Variants in PTPRT observed in about 807,000 individuals in gnomAD.
PTPRT encodes receptor-type tyrosine-protein phosphatase T.
PTPRT carries 56 observed loss-of-function variants against 176.8 expected under a neutral mutation model. The ratio of observed to expected loss-of-function variants is 0.32; its 90% CI spans 0.26 to 0.40. PTPRT has a LOEUF of 0.40. Among genes scored for constraint, PTPRT ranks in the 10% least tolerant of loss-of-function variants. The pLI is 1.00. For missense variants in PTPRT, 1,540 were observed against 1,908.2 expected (o/e 0.81, Z 3.60); for synonymous variants, 783 against 739.0 (o/e 1.06, Z -0.96).
At chr20:43,078,258 T>C (rs2011332473) in intron 1 of PTPRT, among the ~76,000 whole-genome samples, 1 of 152,226 alleles carries the variant, frequency 6.6e-6, no homozygotes, top group Admixed American at 6.5e-5. Flanking sequence ...GTTCAGCATC[T>C]GGTTTTGGCA....
intron 7 of PTPRT, among the ~76,000 whole-genome samples, chr20:42,671,310 C>T (rs533723770): frequency 5.9e-5 from 9 of 152,294 alleles, no homozygotes; most frequent in South Asian, 2.1e-4. Context: ...AGTCACCACC[C>T]GAGATCTCCA....
intron 12 of PTPRT, among the ~76,000 whole-genome samples, chr20:42,302,502 C>T (rs1568755020): frequency 6.6e-6 from 1 of 152,138 alleles, no homozygotes; most frequent in East Asian, 1.9e-4. Context: ...TTCTAATAGC[C>T]AAGTCAAATG....
In PTPRT at chr20:42,549,208, T is replaced by A. The variant is rs148518665; in HGVS notation, c.1154-76646A>T. On this transcript the variant is annotated intron_variant, in intron 7 of 30. Transcript: ENST00000373187. The stretch of plus-strand genomic sequence containing the variant: ...TGCTCACCGATTACGGGGTAATGGA[T>A]AACAAAAGTGTAGACTATGATGCAA... Among the ~76,000 whole-genome samples the A allele has an allele frequency of 4.6e-3, 699 of 152,052 alleles. 4 individuals carry two copies. Among genetic ancestry groups the A allele is most frequent in the African/African-American group, 0.016 (667 of 41,456 alleles).
chr20:42,786,141 G>T (rs1199004406), intron 3 of PTPRT, among the ~76,000 whole-genome samples: 1 of 152,130 alleles, frequency 6.6e-6, no homozygotes, highest in East Asian at 1.9e-4. Flanking sequence ...TGCCATGATT[G>T]TAAGTTTCCT....
In PTPRT at chr20:43,068,560, C is replaced by A. The variant is rs568530028; in HGVS notation, c.88+121086G>T. Among the ~76,000 whole-genome samples, 154 of 149,094 alleles carry A rather than the reference C, an allele frequency of 1.0e-3. 1 individual carries two copies. The highest frequency in any genetic ancestry group is 3.5e-3 in the African/African-American group (142 of 40,400). On this transcript the variant is annotated intron_variant, in intron 1 of 30. Coordinates refer to ENST00000373187, the MANE Select transcript of PTPRT (RefSeq NM_007050.6). ...GAAGGGGAGCTCAGTTTGGGACACA[C>A]TGAGTTTGTATACCTGTGGGACAAC...
intron 7 of PTPRT, among the ~76,000 whole-genome samples, chr20:42,536,138 G>A (rs2072472742): frequency 6.6e-6 from 1 of 152,080 alleles, no homozygotes; most frequent in Admixed American, 6.5e-5. Context: ...AAACTTGAGT[G>A]TCCCTGCCCC....
At position 42,087,872 on chromosome 20, in the gene PTPRT, C is replaced by CAAA. The variant is rs56235565; in HGVS notation, c.3847-2022_3847-2020dup. On this transcript the variant is annotated intron_variant, in intron 27 of 30. Coordinates refer to ENST00000373187, the MANE Select transcript of PTPRT (RefSeq NM_007050.6). ...TGGGAAACAGAGCAAGACTCCATTT[C>CAAA]AAAAAAAAAAAAAAAAAAAAAAATA... Among the ~76,000 whole-genome samples the CAAA allele has an allele frequency of 5.4e-4, 48 of 89,040 alleles. 1 individual carries two copies. Among genetic ancestry groups the CAAA allele is most frequent in the Middle Eastern group, 7.2e-3 (1 of 138 alleles). The allele number at this position is 89,040 out of a possible 152,430, so 58.4% of individuals were successfully genotyped here. A position where few individuals can be genotyped will look rare whatever the true frequency, so the allele number is the denominator to read the frequency against.
chr20:43,026,305 A>G (rs1444735653), intron 1 of PTPRT, among the ~76,000 whole-genome samples: 1 of 152,102 alleles, frequency 6.6e-6, no homozygotes, highest in Non-Finnish European at 1.5e-5. Flanking sequence ...TTTAGTAGAG[A>G]CAGGATTTTA....
At chr20:42,308,422 CA>C (rs1411005325) in intron 12 of PTPRT, among the ~76,000 whole-genome samples, 1 of 152,054 alleles carries the variant, frequency 6.6e-6, no homozygotes, top group African/African-American at 2.4e-5. Context: ...GACACAGACA[CA>C]AGTCCTAAAG....
At position 42,079,880 on chromosome 20, in the gene PTPRT, AG is replaced by A. The variant is rs1983144044; in HGVS notation, c.*998del. The stretch of plus-strand genomic sequence containing the variant: ...AAGGACATTGCCAGGAAAAAATAAA[AG>A]GCCCGAGAGATTTGTCTTAGAGGTA... On this transcript the variant is annotated 3_prime_UTR_variant, in exon 31 of 31. Transcript: ENST00000373187. The A allele has an allele frequency of 4.3e-6, 1 of 231,812 alleles. No individual in the cohort carries two copies. The highest frequency in any genetic ancestry group is 2.2e-5 in the African/African-American group (1 of 45,296). The allele number at this position is 231,812 out of a possible 1,614,324, so 14.4% of individuals were successfully genotyped here. A position where few individuals can be genotyped will look rare whatever the true frequency, so the allele number is the denominator to read the frequency against.
At chr20:42,339,879 C>T (rs1422911501) in intron 11 of PTPRT, among the ~76,000 whole-genome samples, 2 of 152,134 alleles carry the variant, frequency 1.3e-5, no homozygotes, top group Non-Finnish European at 2.9e-5. Flanking sequence ...AGCCATAGGT[C>T]CCACGCTGTT....
chr20:42,711,711 C>T (rs2076146724), intron 6 of PTPRT, among the ~76,000 whole-genome samples: 1 of 151,968 alleles, frequency 6.6e-6, no homozygotes, highest in African/African-American at 2.4e-5. Flanking sequence ...AGAGCCCTAT[C>T]CAAATGCCAA....
intron 1 of PTPRT, among the ~76,000 whole-genome samples, chr20:43,028,757 G>A (rs181679997): frequency 5.9e-5 from 9 of 152,270 alleles, no homozygotes; most frequent in African/African-American, 1.7e-4. Flanking sequence ...TGATCCAAAC[G>A]CCTAGGAGCA....
chr20:42,896,584 G>A (rs993197791), intron 1 of PTPRT, among the ~76,000 whole-genome samples: 13 of 147,316 alleles, frequency 8.8e-5, no homozygotes, highest in African/African-American at 1.5e-4. Context: ...GTGGTGAGCC[G>A]AGATCATGCC....
chr20:42,293,925 C>G (rs763741121), intron 12 of PTPRT, among the ~76,000 whole-genome samples: 1 of 151,820 alleles, frequency 6.6e-6, no homozygotes, highest in Non-Finnish European at 1.5e-5. Flanking sequence ...TATTTAACAC[C>G]AAATTTTCCC....
At chr20:43,153,500 G>A (rs1342147278) in intron 1 of PTPRT, among the ~76,000 whole-genome samples, 1 of 152,140 alleles carries the variant, frequency 6.6e-6, no homozygotes, top group African/African-American at 2.4e-5. Context: ...TGTGTTATCT[G>A]TATAAAGGTT....
chr20:42,893,860 G>T (rs1040838298), intron 1 of PTPRT, among the ~76,000 whole-genome samples: 29 of 151,558 alleles, frequency 1.9e-4, no homozygotes, highest in Non-Finnish European at 3.2e-4. Flanking sequence ...GGGGACTGTT[G>T]TGGGGTGGGG....
In PTPRT at chr20:42,659,977, C is replaced by T. The variant is rs535895355; in HGVS notation, c.1153+17889G>A. Among the ~76,000 whole-genome samples the T allele has an allele frequency of 1.8e-4, 27 of 152,132 alleles. 2 individuals carry two copies. In the East Asian group the frequency reaches 2.5e-3, roughly 14 times the overall value. On this transcript the variant is annotated intron_variant, in intron 7 of 30. Transcript: ENST00000373187. ...AGGAGATGCTATTTCACAGCTATTA[C>T]GAGATTTGAGATTTGGGGAAAATTA...
At chr20:42,473,332 A>G (rs1236583839) in intron 7 of PTPRT, among the ~76,000 whole-genome samples, 1 of 152,094 alleles carries the variant, frequency 6.6e-6, no homozygotes, top group African/African-American at 2.4e-5. Flanking sequence ...GTCTAATTTT[A>G]TTAGGAATAT....
Sources: allele counts gnomAD v4.1 joint callset (sites outside exome capture counted in the v4.1 genomes callset), GRCh38; gene constraint gnomAD v4.1.1; transcripts MANE v1.5; gene names NCBI Gene and HGNC (gene_info 2026-07-23, HGNC 2026-07-21).